The following PPIG variants were observed in gnomAD, a reference collection of about 807,000 sequenced individuals.
PPIG encodes the protein peptidyl-prolyl cis-trans isomerase G.
A neutral mutation model predicts 87.9 loss-of-function variants in PPIG; 26 were observed. The ratio of observed to expected loss-of-function variants is 0.30; its 90% CI spans 0.22 to 0.41. The LOEUF is 0.41. Among genes scored for constraint, PPIG ranks in the 10% least tolerant of loss-of-function variants. The probability of loss-of-function intolerance (pLI) is 1.00; values close to 1 mark genes in which losing one functional copy is unlikely to be tolerated. For synonymous variants in PPIG, 308 were observed against 276.5 expected, an observed-to-expected ratio of 1.11 and a Z score of -1.13; for missense variants, 722 against 879.4, an observed-to-expected ratio of 0.82 and a Z score of 2.26.
At chr2:169,596,781 C>A (rs2105478191) in intron 1 of PPIG, among the ~76,000 whole-genome samples, 1 of 151,992 alleles carries the variant, frequency 6.6e-6, no homozygotes, top group East Asian at 1.9e-4. Flanking sequence ...CTCACTGCAA[C>A]CTCTGCTTCC....
intron 11 of PPIG, among the ~76,000 whole-genome samples, chr2:169,632,391 CATAA>C (rs1231204962): frequency 5.3e-5 from 8 of 152,180 alleles, no homozygotes; most frequent in Non-Finnish European, 1.0e-4. Context: ...AAGTTTACTA[CATAA>C]ATCTACATTA....
In PPIG at chr2:169,631,000, C is replaced by T. The variant is rs1173634359; in HGVS notation, c.761+13C>T. 49 of 1,560,606 alleles carry T rather than the reference C, an allele frequency of 3.1e-5. No homozygotes were observed. Among genetic ancestry groups the T allele is most frequent in the Non-Finnish European group, 3.8e-5 (44 of 1,155,156 alleles). On this transcript the variant is annotated intron_variant, in intron 10 of 13. Transcript: ENST00000260970. ...AAAGCAAGAAGAGGTCTTAATTTTA[C>T]TTTTCTAATGCTAGCTTTATATTCT...
intron 11 of PPIG, among the ~76,000 whole-genome samples, chr2:169,632,387 A>G (rs1341389439): frequency 6.6e-6 from 1 of 152,232 alleles, no homozygotes; most frequent in Non-Finnish European, 1.5e-5. Flanking sequence ...AAAAAAGTTT[A>G]CTACATAAAT....
rs745414022 is a variant in PPIG, at chr2:169,636,775, C to T, written c.1517C>T (p.Ser506Phe). 6.2e-7 allele frequency: 1 copy of T among 1,611,874 alleles called. No individual in the cohort carries two copies. The highest frequency in any genetic ancestry group is 8.5e-7 in the Non-Finnish European group (1 of 1,179,686). The change falls in exon 14 of 14, where the codon TCT becomes TTT. Residue 506 changes from serine to phenylalanine, a missense_variant. Around this residue, in one of 4 missense-constraint regions of PPIG, gnomAD observed 476 missense variants for 483.1 expected, o/e 0.99. Transcript: ENST00000260970. ...AAAGAAAAAGAAAAGCAGTCTGATT[C>T]TAAAGGAAAAGATCAGGAAAGGAGT... ...NVKEKEKQSD[S>F]KGKDQERSRS...
intron 7 of PPIG, 134 bp downstream of exon 7, chr2:169,608,892 C>T: frequency 2.0e-6 from 1 of 489,576 alleles, no homozygotes; most frequent in Non-Finnish European, 3.8e-6. Context: ...ACCATCCTGG[C>T]TAACACGGTG....
chr2:169,618,888 G>C (rs1394384117), intron 9 of PPIG, among the ~76,000 whole-genome samples: 3 of 150,962 alleles, frequency 2.0e-5, no homozygotes, highest in Non-Finnish European at 4.4e-5. Context: ...TCTGATCTTA[G>C]GTATTTCTCG....
chr2:169,624,619 G>A (rs1435160466), intron 9 of PPIG, among the ~76,000 whole-genome samples: 1 of 151,876 alleles, frequency 6.6e-6, no homozygotes, highest in African/African-American at 2.4e-5. Flanking sequence ...ATGGAGTCTC[G>A]CTCTGTCACC....
intron 1 of PPIG, among the ~76,000 whole-genome samples, chr2:169,590,663 A>C (rs1684840832): frequency 6.6e-6 from 1 of 152,072 alleles, no homozygotes; most frequent in South Asian, 2.1e-4. Flanking sequence ...ACAAACAAAC[A>C]GACCTTAGAG....
intron 4 of PPIG, 46 bp from the exon 5 acceptor site, chr2:169,605,993 C>T (rs1289335246): frequency 2.8e-6 from 4 of 1,404,366 alleles, no homozygotes; most frequent in Non-Finnish European, 4.0e-6. Flanking sequence ...TTTCATACTA[C>T]TTTGATTTCC....
At chr2:169,621,330 A>G (rs961953930) in intron 9 of PPIG, among the ~76,000 whole-genome samples, 1 of 152,078 alleles carries the variant, frequency 6.6e-6, no homozygotes, top group Non-Finnish European at 1.5e-5. Context: ...TGAGTCTGCT[A>G]ATTTTATTTT....
At chr2:169,633,420 C>A in intron 12 of PPIG, 173 bp downstream of exon 12, 1 of 638,818 alleles carries the variant, frequency 1.6e-6, no homozygotes. Context: ...TTGGTACTTC[C>A]CAACAGAAAA....
intron 9 of PPIG, among the ~76,000 whole-genome samples, chr2:169,615,571 G>A (rs543506618): frequency 6.6e-6 from 1 of 152,186 alleles, no homozygotes; most frequent in Non-Finnish European, 1.5e-5. Context: ...TATGGTATTC[G>A]TCCTTTTGTG....
intron 7 of PPIG, among the ~76,000 whole-genome samples, chr2:169,610,097 C>T (rs1382171483): frequency 2.0e-5 from 3 of 152,274 alleles, no homozygotes; most frequent in Admixed American, 1.3e-4. Flanking sequence ...GTTCGGTAGC[C>T]TTGAAATCTC....
chr2:169,622,798 TAA>T (rs1685791912), intron 9 of PPIG, among the ~76,000 whole-genome samples: 1 of 152,216 alleles, frequency 6.6e-6, no homozygotes, highest in Non-Finnish European at 1.5e-5. Flanking sequence ...ATCTTACATA[TAA>T]GCAGAGCTAT....
At chr2:169,599,684 CTTTGAGCTTTAA>C (rs1033780341) in intron 1 of PPIG, among the ~76,000 whole-genome samples, 1 of 151,816 alleles carries the variant, frequency 6.6e-6, no homozygotes, top group African/African-American at 2.4e-5. Context: ...CTTAGGTGTC[CTTTGAGCTTTAA>C]TTTGATAGAC....
chr2:169,586,258 C>T (rs1252094173), intron 1 of PPIG, among the ~76,000 whole-genome samples: 3 of 152,148 alleles, frequency 2.0e-5, no homozygotes, highest in Non-Finnish European at 2.9e-5. Context: ...CTTTTTAAGG[C>T]TTTTCTAGGC....
intron 6 of PPIG, among the ~76,000 whole-genome samples, chr2:169,608,266 G>A (rs1037239012): frequency 6.6e-6 from 1 of 151,924 alleles, no homozygotes; most frequent in South Asian, 2.1e-4. Context: ...CGAGGCGGGC[G>A]GATCACGATG....
intron 9 of PPIG, among the ~76,000 whole-genome samples, chr2:169,617,994 A>G (rs1685647202): frequency 6.6e-6 from 1 of 150,602 alleles, no homozygotes; most frequent in African/African-American, 2.4e-5. Flanking sequence ...TGGGTTTGTC[A>G]TAAATAGTTC....
chr2:169,604,657 C>T (rs140170641), intron 4 of PPIG, among the ~76,000 whole-genome samples: 2,661 of 150,110 alleles, frequency 0.018, 37 homozygotes, highest in South Asian at 0.058. Context: ...GGGTGGCTCA[C>T]GAGGTCAGGA....
Sources: allele counts gnomAD v4.1 joint callset (sites outside exome capture counted in the v4.1 genomes callset), GRCh38; gene constraint gnomAD v4.1.1; regional missense constraint gnomAD v4.1.1; transcripts MANE v1.5; gene names NCBI Gene and HGNC (gene_info 2026-07-23, HGNC 2026-07-21).